Variants in CNTNAP2 observed in about 807,000 individuals in gnomAD.
The protein encoded by CNTNAP2 is contactin associated protein 2.
CNTNAP2 carries 98 observed loss-of-function variants against 155.2 expected under a neutral mutation model. The ratio of observed to expected loss-of-function variants is 0.63; its 90% confidence interval spans 0.54 to 0.75. The LOEUF (loss-of-function observed/expected upper bound fraction) is 0.75, where lower values mean the gene tolerates loss of function less well. CNTNAP2 is among the 30% of genes least tolerant of loss of function. The pLI is 0.00. For synonymous variants in CNTNAP2, 651 were observed against 631.2 expected (o/e 1.03, Z -0.47); for missense variants, 1,727 against 1,688.1 (o/e 1.02, Z -0.40).
At chr7:147,641,754 A>T (rs1309184558) in intron 13 of CNTNAP2, among the ~76,000 whole-genome samples, 1 of 152,100 alleles carries the variant, frequency 6.6e-6, no homozygotes, top group Non-Finnish European at 1.5e-5. Context: ...AGCCACCTGT[A>T]AGCCAGGAAG....
intron 8 of CNTNAP2, among the ~76,000 whole-genome samples, chr7:147,173,707 T>A (rs983677107): frequency 1.3e-5 from 2 of 152,268 alleles, no homozygotes; most frequent in Admixed American, 1.3e-4. Flanking sequence ...TTCTCCACCC[T>A]AAATAAAACT....
intron 4 of CNTNAP2, among the ~76,000 whole-genome samples, chr7:147,079,826 C>T (rs1027890113): frequency 9.2e-5 from 14 of 152,024 alleles, no homozygotes; most frequent in Non-Finnish European, 1.9e-4. Context: ...TTGAGAATCC[C>T]CACGTGTTTG....
chr7:148,045,908 C>T (rs1563179522), intron 15 of CNTNAP2, among the ~76,000 whole-genome samples: 1 of 152,054 alleles, frequency 6.6e-6, no homozygotes. Context: ...AAATCACCAA[C>T]CATAGGAAAA....
intron 1 of CNTNAP2, among the ~76,000 whole-genome samples, chr7:146,756,312 A>T (rs527362941): frequency 6.6e-6 from 1 of 152,096 alleles, no homozygotes; most frequent in East Asian, 1.9e-4. Flanking sequence ...CTGGCCTATG[A>T]CTTTCCAATT....
chr7:148,359,300 A>G (rs1031267570), intron 21 of CNTNAP2, among the ~76,000 whole-genome samples: 4 of 152,258 alleles, frequency 2.6e-5, no homozygotes, highest in Non-Finnish European at 4.4e-5. Flanking sequence ...CCCCATCACT[A>G]AGCAACACAT....
At chr7:146,308,967 A>G (rs1197712223) in intron 1 of CNTNAP2, among the ~76,000 whole-genome samples, 1 of 152,130 alleles carries the variant, frequency 6.6e-6, no homozygotes, top group African/African-American at 2.4e-5. Context: ...CACAGAACCT[A>G]AATTATAATA....
chr7:146,894,110 A>G (rs1423989962), intron 3 of CNTNAP2, among the ~76,000 whole-genome samples: 1 of 152,130 alleles, frequency 6.6e-6, no homozygotes, highest in Non-Finnish European at 1.5e-5. Context: ...CACACCTGCC[A>G]TTTCCTGGCC....
intron 14 of CNTNAP2, among the ~76,000 whole-genome samples, chr7:147,904,900 TACACACACAC>T (rs58242194): frequency 3.4e-5 from 5 of 149,200 alleles, no homozygotes; most frequent in South Asian, 2.1e-4. Flanking sequence ...AAGATGTATC[TACACACACAC>T]ACACACACAC....
chr7:147,561,608 T>C (rs551460201), intron 11 of CNTNAP2, among the ~76,000 whole-genome samples: 17 of 145,346 alleles, frequency 1.2e-4, no homozygotes, highest in African/African-American at 4.9e-4. Flanking sequence ...GAAATCTCTT[T>C]CCTTTTTTTG....
chr7:146,787,564 G>T (rs1802596457), intron 2 of CNTNAP2, among the ~76,000 whole-genome samples: 2 of 152,170 alleles, frequency 1.3e-5, no homozygotes, highest in South Asian at 4.1e-4. Context: ...TTCACGGTGA[G>T]TGTTACAGCT....
intron 3 of CNTNAP2, among the ~76,000 whole-genome samples, chr7:146,851,352 TAGA>T (rs1014575954): frequency 1.3e-5 from 2 of 152,194 alleles, no homozygotes; most frequent in African/African-American, 4.8e-5. Flanking sequence ...GCTTAAAAGT[TAGA>T]AGATCTTGGT....
chr7:146,396,712 T>C (rs1035799063), intron 1 of CNTNAP2, among the ~76,000 whole-genome samples: 1 of 150,732 alleles, frequency 6.6e-6, no homozygotes, highest in African/African-American at 2.4e-5. Context: ...TATATACATA[T>C]ATATATGTGT....
At chr7:147,075,108 G>A (rs1447168287) in intron 4 of CNTNAP2, among the ~76,000 whole-genome samples, 1 of 152,136 alleles carries the variant, frequency 6.6e-6, no homozygotes, top group Non-Finnish European at 1.5e-5. Context: ...TCACAGTTAT[G>A]AAACTTTTAA....
chr7:147,423,475 T>A (rs1797330782), intron 10 of CNTNAP2, among the ~76,000 whole-genome samples: 1 of 152,204 alleles, frequency 6.6e-6, no homozygotes, highest in Non-Finnish European at 1.5e-5. Context: ...GTCCACTGTG[T>A]GTATCTTCAA....
intron 3 of CNTNAP2, among the ~76,000 whole-genome samples, chr7:146,857,794 G>T (rs1795020454): frequency 6.6e-6 from 1 of 152,120 alleles, no homozygotes; most frequent in African/African-American, 2.4e-5. Context: ...GTAGTCAGCT[G>T]CTGTTTTGTG....
chr7:146,427,264 T>C (rs1401739815), intron 1 of CNTNAP2, among the ~76,000 whole-genome samples: 1 of 152,190 alleles, frequency 6.6e-6, no homozygotes, highest in Non-Finnish European at 1.5e-5. Flanking sequence ...GATTTAATTC[T>C]CTGCCATCTA....
chr7:147,224,665 A>G lies in CNTNAP2; in HGVS notation c.1349-75476A>G, dbSNP rs150919342. On this transcript the variant is annotated intron_variant, in intron 8 of 23. Transcript: ENST00000361727. Reference sequence around the variant, plus strand: ...TCTTTCATAGTCCCAGAAAGTATATAATGGGTGAAGTATGAATGGGTGAAG... The same window carrying G: ...TCTTTCATAGTCCCAGAAAGTATATGATGGGTGAAGTATGAATGGGTGAAG... Among the ~76,000 whole-genome samples, 320 of 151,694 alleles carry G rather than the reference A, an allele frequency of 2.1e-3. 2 individuals carry two copies. Among genetic ancestry groups the G allele is most frequent in the African/African-American group, 7.1e-3 (294 of 41,158 alleles).
chr7:147,095,938 C>A (rs1372309745), intron 4 of CNTNAP2, among the ~76,000 whole-genome samples: 1 of 152,194 alleles, frequency 6.6e-6, no homozygotes, highest in Non-Finnish European at 1.5e-5. Context: ...TGGGTCCTGA[C>A]AGATGAGCCT....
intron 13 of CNTNAP2, among the ~76,000 whole-genome samples, chr7:147,881,505 G>C (rs4140925): frequency 0.57 from 86,598 of 151,992 alleles, 25,260 homozygotes; most frequent in African/African-American, 0.69. Context: ...GCTTCCACCC[G>C]CTGAGTAGTC....
Sources: gnomAD v4.1 joint callset for allele counts (sites outside exome capture counted in the v4.1 genomes callset) on GRCh38, gnomAD v4.1.1 for gene constraint, MANE v1.5 for transcripts, NCBI Gene and HGNC (gene_info 2026-07-23, HGNC 2026-07-21) for gene names.